Variants in NFAT5 observed in about 807,000 individuals in gnomAD.
The protein encoded by NFAT5 is nuclear factor of activated T cells 5, also known as nuclear factor of activated T-cells 5.
NFAT5 carries 31 observed loss-of-function variants against 166.5 expected under a neutral mutation model. The ratio of observed to expected loss-of-function variants is 0.19; its 90% confidence interval spans 0.14 to 0.25. The LOEUF (loss-of-function observed/expected upper bound fraction) is 0.25, where lower values mean the gene tolerates loss of function less well. Ranked by LOEUF, NFAT5 falls within the 10% of genes least tolerant of loss-of-function variation. The pLI is 1.00. For missense variants in NFAT5, 1,449 were observed against 1,821.8 expected (o/e 0.80, Z 3.72); for synonymous variants, 612 against 639.7 (o/e 0.96, Z 0.65).
chr16:69,648,450 A>AT, intron 4 of NFAT5: 1 of 948,006 alleles, frequency 1.1e-6, no homozygotes, highest in Non-Finnish European at 1.3e-6. Flanking sequence ...CAGAGTCGAT[A>AT]TTTTTTTTAA....
In NFAT5 at chr16:69,692,276, A is replaced by G. The variant is rs770299334; in HGVS notation, c.2451A>G (p.Gln817=). ...GCAGTGGAAGTGTTGACTTGGTCCA[A>G]CAAGTTTTAGAGGCACAGCAGCAGT... ...SGSSGSVDLV[Q]QVLEAQQQLS... is the part of the protein sequence containing the mutation. Residue 817 remains glutamine (Q), a synonymous_variant, in exon 13 of 15, where the codon CAA becomes CAG. Coordinates refer to ENST00000349945, the MANE Select transcript of NFAT5 (RefSeq NM_138713.4). The G allele has an allele frequency of 6.8e-6, 11 of 1,614,106 alleles. No homozygotes were observed. The highest frequency in any genetic ancestry group is 4.0e-5 in the African/African-American group (3 of 74,930).
intron 2 of NFAT5, among the ~76,000 whole-genome samples, chr16:69,591,714 T>A (rs2032472037): frequency 6.6e-6 from 1 of 152,148 alleles, no homozygotes; most frequent in Non-Finnish European, 1.5e-5. Flanking sequence ...TAACAAAAAA[T>A]TTTTCAGAAA....
In NFAT5 at chr16:69,655,790, T is replaced by A; in HGVS notation, c.1187T>A (p.Met396Lys). The A allele has an allele frequency of 6.2e-7, 1 of 1,612,372 alleles. No individual in the cohort carries two copies. The highest frequency in any genetic ancestry group is 8.5e-7 in the Non-Finnish European group (1 of 1,178,888). Residue 396 changes from methionine (M) to lysine (K), a missense_variant, in exon 6 of 15, where the codon ATG becomes AAG. Transcript: ENST00000349945. ...GTCGGCCTTGATCCTAGCAACAACA[T>A]GACACTGGCGTAAGTACTTAGTAAG... Reference protein sequence around the residue: ...IEVGLDPSNNMTLAVDCVGIL... With the variant: ...IEVGLDPSNNKTLAVDCVGIL...
intron 3 of NFAT5, among the ~76,000 whole-genome samples, chr16:69,630,214 G>T (rs2034651364): frequency 1.3e-5 from 2 of 152,012 alleles, no homozygotes; most frequent in Non-Finnish European, 2.9e-5. Flanking sequence ...GTAGAGACAG[G>T]GTCTTACTAT....
intron 2 of NFAT5, among the ~76,000 whole-genome samples, chr16:69,607,017 A>T (rs903666220): frequency 6.6e-6 from 1 of 152,180 alleles, no homozygotes; most frequent in East Asian, 1.9e-4. Context: ...TGAGGGCAGA[A>T]ATTATAGTTT....
At chr16:69,607,772 C>A (rs545889576) in intron 2 of NFAT5, among the ~76,000 whole-genome samples, 1 of 152,294 alleles carries the variant, frequency 6.6e-6, no homozygotes, top group East Asian at 1.9e-4. Context: ...TTTCTATTTT[C>A]TTTTTCTCTC....
At chr16:69,581,897 C>T (rs190088708) in intron 2 of NFAT5, among the ~76,000 whole-genome samples, 2 of 152,024 alleles carry the variant, frequency 1.3e-5, no homozygotes, top group African/African-American at 2.4e-5. Context: ...TTGGTGAGAA[C>T]GCTTAAAATC....
intron 2 of NFAT5, among the ~76,000 whole-genome samples, chr16:69,571,122 T>A (rs1307114199): frequency 1.2e-5 from 1 of 86,852 alleles, no homozygotes. Context: ...TGAAACCCCA[T>A]CTCTACTAAA....
intron 9 of NFAT5, among the ~76,000 whole-genome samples, chr16:69,673,047 G>T (rs956809955): frequency 1.3e-5 from 2 of 151,920 alleles, no homozygotes; most frequent in Non-Finnish European, 2.9e-5. Context: ...GCCTTTTGAG[G>T]CATGGGGTAG....
chr16:69,695,886 G>C (rs1269671085), intron 14 of NFAT5, among the ~76,000 whole-genome samples: 1 of 152,148 alleles, frequency 6.6e-6, no homozygotes, highest in African/African-American at 2.4e-5. Context: ...GGGTAAAAAA[G>C]ATCCTTCCAG....
intron 3 of NFAT5, among the ~76,000 whole-genome samples, chr16:69,638,899 CTG>C (rs34728318): frequency 0.24 from 36,080 of 151,856 alleles, 4,587 homozygotes; most frequent in East Asian, 0.45. Flanking sequence ...TAGTGATACT[CTG>C]TTTTTATCTT....
intron 2 of NFAT5, among the ~76,000 whole-genome samples, chr16:69,611,151 T>A (rs2033687351): frequency 6.6e-6 from 1 of 152,226 alleles, no homozygotes; most frequent in South Asian, 2.1e-4. Context: ...TTCTGCTTGT[T>A]TCTTTTCATT....
chr16:69,647,230 A>C lies in NFAT5; in HGVS notation c.456A>C (p.Ser152=). 6.2e-7 allele frequency: 1 copy of C among 1,614,096 alleles called. No individual in the cohort carries two copies. The highest frequency in any genetic ancestry group is 8.5e-7 in the Non-Finnish European group (1 of 1,179,954). ...GTAACACAGTTCAGCAGCATCCATCAACACCGAAGAGGCACACAGTCTTGT... is the reference window on the plus strand; with the variant it reads ...GTAACACAGTTCAGCAGCATCCATCCACACCGAAGAGGCACACAGTCTTGT... ...LTSNTVQQHP[S]TPKRHTVLYI... The change falls in exon 4 of 15, where the codon TCA becomes TCC. Residue 152 remains serine (S), a synonymous_variant. Coordinates refer to ENST00000349945, the MANE Select transcript of NFAT5 (RefSeq NM_138713.4). This position sits in a 1 kb window ranked among gnomAD's most constrained non-coding sequence, Gnocchi z 4.8.
rs1187994368 is a variant in NFAT5, at chr16:69,693,128, C to T, written c.3303C>T (p.Asn1101=). ...HPQNPIADAQ[N]LSQETQGSLF... ...AAAATCCTATTGCCGATGCTCAGAA[C>T]CTTTCCCAGGAAACTCAAGGTTCTC... Residue 1101 remains asparagine, a synonymous_variant, in exon 13 of 15, where the codon AAC becomes AAT. Coordinates refer to ENST00000349945, the MANE Select transcript of NFAT5 (RefSeq NM_138713.4). 1 of 1,614,152 alleles carries T rather than the reference C, an allele frequency of 6.2e-7. No homozygotes were observed. The highest frequency in any genetic ancestry group is 1.7e-5 in the Admixed American group (1 of 60,016).
rs1430403310 is a variant in NFAT5, at chr16:69,636,796, A to G, written c.254-10232A>G. 2.0e-5 allele frequency among the ~76,000 whole-genome samples: 3 copies of G among 152,158 alleles called. No homozygotes were observed. In the South Asian group the frequency reaches 6.2e-4, roughly 32 times the overall value. On this transcript the variant is annotated intron_variant, in intron 3 of 14. Transcript: ENST00000349945. The stretch of plus-strand genomic sequence containing the variant: ...TTTTTCCTCCTGGGCCTCTGGGCCT[A>G]TGATGGGAGGGGCTGCCACAAAGGT...
At position 69,684,944 on chromosome 16, in the gene NFAT5, C is replaced by T; in HGVS notation, c.1748C>T (p.Pro583Leu). 3.7e-6 allele frequency: 6 copies of T among 1,610,842 alleles called. No individual in the cohort carries two copies. Among genetic ancestry groups the T allele is most frequent in the Non-Finnish European group, 4.2e-6 (5 of 1,178,802 alleles). The change falls in exon 11 of 15, where the codon CCT (proline) becomes CTT (leucine). Residue 583 changes from proline to leucine, a missense_variant. Pro to Leu is a moderately conservative substitution (Grantham distance 98). Coordinates refer to ENST00000349945, the MANE Select transcript of NFAT5 (RefSeq NM_138713.4). ...VKKEISSPAR[P>L]CSFEEAMKAM... ...AAGGAAATATCTAGTCCAGCAAGAC[C>T]TTGCTCTTTTGAAGAGGCCATGAAA...
intron 2 of NFAT5, among the ~76,000 whole-genome samples, chr16:69,590,597 A>G (rs1304014348): frequency 2.6e-5 from 4 of 152,198 alleles, no homozygotes; most frequent in Non-Finnish European, 4.4e-5. Context: ...AAACCAAATC[A>G]TGTTTTAAAT....
rs1435013765 is a variant in NFAT5 at position 69,566,194 on chromosome 16, T to TCGCGTCGCCGCCCC, written c.-105_-92dup. The stretch of plus-strand genomic sequence containing the variant: ...GAGGAGGAGGCAGCGGCAGCCGCCC[T>TCGCGTCGCCGCCCC]CGCGTCGCCGCCCCCGGTTCGGTGC... On this transcript the variant is annotated 5_prime_UTR_variant, in exon 1 of 15. Coordinates refer to ENST00000349945, the MANE Select transcript of NFAT5 (RefSeq NM_138713.4). This position sits in a 1 kb window ranked among gnomAD's most constrained non-coding sequence, Gnocchi z 5.7. 7 of 942,074 alleles carry TCGCGTCGCCGCCCC rather than the reference T, an allele frequency of 7.4e-6. No individual in the cohort carries two copies. Among genetic ancestry groups the TCGCGTCGCCGCCCC allele is most frequent in the Non-Finnish European group, 1.1e-5 (7 of 630,912 alleles). 58.4% of individuals were successfully genotyped at this position (942,074 alleles called of 1,614,324 possible).
intron 9 of NFAT5, among the ~76,000 whole-genome samples, chr16:69,671,326 A>C (rs1449933356): frequency 3.3e-5 from 5 of 152,126 alleles, no homozygotes; most frequent in African/African-American, 4.8e-5. Flanking sequence ...AACTCTGGGA[A>C]GTGCTATACT....
Sources: allele counts gnomAD v4.1 joint callset (sites outside exome capture counted in the v4.1 genomes callset), GRCh38; gene constraint gnomAD v4.1.1; non-coding constraint Gnocchi (gnomAD v3.1); transcripts MANE v1.5; gene names NCBI Gene and HGNC (gene_info 2026-07-23, HGNC 2026-07-21).